The following LSAMP variants were observed in gnomAD, a reference collection of about 807,000 sequenced individuals.
The protein encoded by LSAMP is limbic system-associated membrane protein.
A neutral mutation model predicts 38.6 loss-of-function variants in LSAMP; 7 were observed. That is an observed-to-expected ratio of 0.18 (90% CI 0.10 to 0.34). LSAMP has a LOEUF of 0.34. Among genes scored for constraint, LSAMP ranks in the 10% least tolerant of loss-of-function variants. LSAMP has a pLI of 1.00. For missense variants in LSAMP, 313 were observed against 420.0 expected (o/e 0.75, Z 2.23); for synonymous variants, 154 against 166.8 (o/e 0.92, Z 0.59).
intron 1 of LSAMP, among the ~76,000 whole-genome samples, chr3:116,225,366 C>T (rs895192746): frequency 2.6e-5 from 4 of 152,198 alleles, no homozygotes; most frequent in East Asian, 1.9e-4. Context: ...TACCAGAAGT[C>T]GCAAGAGGAA....
intron 1 of LSAMP, among the ~76,000 whole-genome samples, chr3:116,291,508 C>T (rs2047267407): frequency 6.6e-6 from 1 of 152,196 alleles, no homozygotes; most frequent in African/African-American, 2.4e-5. Context: ...TTCAATTTCT[C>T]ATATTCTATG....
chr3:115,983,018 T>A (rs1939409744), intron 3 of LSAMP, among the ~76,000 whole-genome samples: 1 of 150,828 alleles, frequency 6.6e-6, no homozygotes, highest in Admixed American at 6.7e-5. Context: ...TTAAAAGTAA[T>A]GCTATGGAAA....
intron 6 of LSAMP, among the ~76,000 whole-genome samples, chr3:115,830,042 T>TAGGCATGA (rs1934559295): frequency 6.6e-6 from 1 of 152,180 alleles, no homozygotes. Flanking sequence ...TTTGAGCTTG[T>TAGGCATGA]AGGCATGAAA....
intron 1 of LSAMP, among the ~76,000 whole-genome samples, chr3:116,325,510 C>T (rs1388952246): frequency 1.3e-5 from 2 of 152,004 alleles, no homozygotes; most frequent in Non-Finnish European, 2.9e-5. Flanking sequence ...CATACAGGTC[C>T]CTCAAAGTTT....
intron 1 of LSAMP, among the ~76,000 whole-genome samples, chr3:116,319,047 G>GGT (rs1311007938): frequency 6.6e-6 from 1 of 151,992 alleles, no homozygotes; most frequent in African/African-American, 2.4e-5. Context: ...TAGAATTGGG[G>GGT]GGGTGGGGAT....
intron 1 of LSAMP, among the ~76,000 whole-genome samples, chr3:116,372,937 G>T (rs1190361092): frequency 2.0e-5 from 3 of 150,616 alleles, no homozygotes; most frequent in African/African-American, 4.9e-5. Context: ...TGCACCGGTG[G>T]TAGGAATGTA....
At chr3:116,320,695 G>T (rs901756399) in intron 1 of LSAMP, among the ~76,000 whole-genome samples, 1 of 151,910 alleles carries the variant, frequency 6.6e-6, no homozygotes, top group African/African-American at 2.4e-5. Flanking sequence ...CTGTCCTCTC[G>T]ACATATTTAA....
chr3:116,246,736 T>A (rs148078396), intron 1 of LSAMP, among the ~76,000 whole-genome samples: 2 of 152,228 alleles, frequency 1.3e-5, no homozygotes, highest in Non-Finnish European at 2.9e-5. Flanking sequence ...GTGATGCATA[T>A]GGCAGGGTGA....
chr3:116,287,326 G>A (rs962142949), intron 1 of LSAMP, among the ~76,000 whole-genome samples: 1 of 152,056 alleles, frequency 6.6e-6, no homozygotes, highest in Admixed American at 6.6e-5. Context: ...CTCTCACAAT[G>A]TGACCCTATA....
intron 1 of LSAMP, among the ~76,000 whole-genome samples, chr3:116,392,583 G>T (rs7652923): frequency 0.16 from 23,770 of 152,264 alleles, 2,174 homozygotes; most frequent in African/African-American, 0.25. Flanking sequence ...GGCATGAAAA[G>T]CCTGGGCATC....
Position 116,400,730 on chromosome 3 carries a change from G to A in LSAMP, c.155+44147C>T, listed in dbSNP as rs527703528. ...TGACCTCAGGTGATCCACCCGCCTC[G>A]GCCTCCCAAAGTGCTGGGATTACAG... On this transcript the variant is annotated intron_variant, in intron 1 of 6. Coordinates refer to ENST00000490035, the MANE Select transcript of LSAMP (RefSeq NM_002338.5). Among the ~76,000 whole-genome samples the A allele has an allele frequency of 5.9e-5, 9 of 152,014 alleles. No homozygotes were observed. In the East Asian group the frequency reaches 7.8e-4, roughly 13 times the overall value.
intron 3 of LSAMP, among the ~76,000 whole-genome samples, chr3:115,916,371 T>C (rs1240977774): frequency 3.9e-5 from 6 of 152,168 alleles, no homozygotes; most frequent in Non-Finnish European, 7.4e-5. Context: ...AATAAGCAGA[T>C]AGAAATTTAA....
intron 3 of LSAMP, among the ~76,000 whole-genome samples, chr3:115,923,848 T>C (rs1331412034): frequency 6.6e-6 from 1 of 152,204 alleles, no homozygotes; most frequent in Non-Finnish European, 1.5e-5. Context: ...TTCATAGCAC[T>C]TTTTTCATTT....
In LSAMP at chr3:116,086,282, C is replaced by T. The variant is rs759425379; in HGVS notation, c.388+42G>A. 3.4e-6 allele frequency: 5 copies of T among 1,451,776 alleles called. No individual in the cohort carries two copies. In the South Asian group the frequency reaches 5.7e-5, roughly 17 times the overall value. The allele number at this position is 1,451,776 out of a possible 1,614,324, so 89.9% of individuals were successfully genotyped here. On this transcript the variant is annotated intron_variant, in intron 2 of 6. Transcript: ENST00000490035. Reference sequence around the variant, plus strand: ...TTTGTACATTATTATTCTGCAACTCCCACCTCTTTCTTACCACCCTTCTAT... The same window carrying T: ...TTTGTACATTATTATTCTGCAACTCTCACCTCTTTCTTACCACCCTTCTAT...
chr3:115,964,637 T>G (rs1164496750), intron 3 of LSAMP, among the ~76,000 whole-genome samples: 17 of 152,076 alleles, frequency 1.1e-4, no homozygotes, highest in Admixed American at 1.1e-3. Context: ...ATTGTCTATA[T>G]AAAAACACAA....
intron 2 of LSAMP, among the ~76,000 whole-genome samples, chr3:116,069,533 G>T (rs1707548425): frequency 6.7e-6 from 1 of 150,348 alleles, no homozygotes; most frequent in Non-Finnish European, 1.5e-5. Flanking sequence ...ACAGAAAGGT[G>T]GGTGTGAGAG....
chr3:116,436,738 A>T (rs1433611204), intron 1 of LSAMP, among the ~76,000 whole-genome samples: 2 of 152,154 alleles, frequency 1.3e-5, no homozygotes, highest in Non-Finnish European at 2.9e-5. Flanking sequence ...GTGGGAATGT[A>T]AACTAGTACA....
chr3:116,280,992 A>G (rs1394420609), intron 1 of LSAMP, among the ~76,000 whole-genome samples: 3 of 152,242 alleles, frequency 2.0e-5, no homozygotes, highest in African/African-American at 7.2e-5. Flanking sequence ...GGAAGGAAAG[A>G]AAAAGAATGG....
chr3:116,357,275 A>G (rs575866723), intron 1 of LSAMP, among the ~76,000 whole-genome samples: 4 of 152,344 alleles, frequency 2.6e-5, no homozygotes, highest in African/African-American at 9.6e-5. Flanking sequence ...CACTCATTTA[A>G]TTAATATCTA....
Sources: gnomAD v4.1 joint callset for allele counts (sites outside exome capture counted in the v4.1 genomes callset) on GRCh38, gnomAD v4.1.1 for gene constraint, MANE v1.5 for transcripts, NCBI Gene and HGNC (gene_info 2026-07-23, HGNC 2026-07-21) for gene names.